Variants in CETN3 observed in about 807,000 individuals in gnomAD.
CETN3 encodes centrin 3, also known as centrin-3.
Under a neutral mutation model 20.1 loss-of-function variants are expected in CETN3, and 17 were observed. The ratio of observed to expected loss-of-function variants is 0.85; its 90% CI spans 0.58 to 1.27. The LOEUF (loss-of-function observed/expected upper bound fraction) is 1.27, where lower values mean the gene tolerates loss of function less well. Among genes scored for constraint, CETN3 ranks in the 50% most tolerant of loss-of-function variants. CETN3 has a pLI of 0.00. For synonymous variants in CETN3, 52 were observed against 59.7 expected, an observed-to-expected ratio of 0.87 and a Z score of 0.59; for missense variants, 169 against 191.2, an observed-to-expected ratio of 0.88 and a Z score of 0.69.
At chr5:90,396,745 T>C (rs905984615) in intron 4 of CETN3, among the ~76,000 whole-genome samples, 3 of 152,152 alleles carry the variant, frequency 2.0e-5, no homozygotes, top group Admixed American at 6.5e-5. Flanking sequence ...TTAAGTTTCA[T>C]ATATAAGTTT....
rs1447853408 is a variant in CETN3, at chr5:90,393,040, C to A, written c.*1024G>T. On this transcript the variant is annotated 3_prime_UTR_variant, in exon 5 of 5. Coordinates refer to ENST00000283122, the MANE Select transcript of CETN3 (RefSeq NM_004365.4). ...CTGGGAGAGCCCATAACACCGAGTA[C>A]TAGATATGAGTGAAGGATCCATATA... 1 of 152,146 alleles carries A rather than the reference C, an allele frequency of 6.6e-6. No individual in the cohort carries two copies. Among genetic ancestry groups the A allele is most frequent in the African/African-American group, 2.4e-5 (1 of 41,444 alleles). The allele number at this position is 152,146 out of a possible 1,614,324, so 9.4% of individuals were successfully genotyped here.
rs766267252 is a variant in CETN3, at chr5:90,394,014, GAATAT to G, written c.*45_*49del. The G allele has an allele frequency of 1.6e-6, 2 of 1,284,984 alleles. No homozygotes were observed. The highest frequency in any genetic ancestry group is 2.2e-6 in the Non-Finnish European group (2 of 901,706). 79.6% of individuals were successfully genotyped at this position (1,284,984 alleles called of 1,614,324 possible). A position where few individuals can be genotyped will look rare whatever the true frequency, so the allele number is the denominator to read the frequency against. On this transcript the variant is annotated 3_prime_UTR_variant, in exon 5 of 5. Coordinates refer to ENST00000283122, the MANE Select transcript of CETN3 (RefSeq NM_004365.4). ...TCACATGGCTCCAGGCACAAAAATA[GAATAT>G]AAGATGGTAACTGCAACATTCTTAG...
chr5:90,393,645 G>T lies in CETN3; in HGVS notation c.*419C>A, dbSNP rs1749068174. 1 of 151,996 alleles carries T rather than the reference G, an allele frequency of 6.6e-6. No individual in the cohort carries two copies. Among genetic ancestry groups the T allele is most frequent in the African/African-American group, 2.4e-5 (1 of 41,336 alleles). 9.4% of individuals were successfully genotyped at this position (151,996 alleles called of 1,614,324 possible). ...TTCAGAAACTAGTAAAATTATAAAG[G>T]GAAGATTTAAGAAATCCACTCTTGA... On this transcript the variant is annotated 3_prime_UTR_variant, in exon 5 of 5. Transcript: ENST00000283122.
intron 2 of CETN3, 86 bp from the exon 3 acceptor site, chr5:90,405,885 G>T: frequency 1.3e-6 from 1 of 774,328 alleles, no homozygotes; most frequent in South Asian, 1.6e-5. Flanking sequence ...CTTAAGAGAT[G>T]ACAACACATT....
intron 3 of CETN3, among the ~76,000 whole-genome samples, chr5:90,403,687 C>T (rs995714737): frequency 1.3e-5 from 2 of 150,776 alleles, no homozygotes; most frequent in African/African-American, 4.9e-5. Flanking sequence ...CCGGCTAAAA[C>T]GGTGAAACCC....
At position 90,392,944 on chromosome 5, in the gene CETN3, A is replaced by G. The variant is rs373765160; in HGVS notation, c.*1120T>C. 10 of 152,342 alleles carry G rather than the reference A, an allele frequency of 6.6e-5. No individual in the cohort carries two copies. The South Asian group carries it at 1.9e-3, about 28-fold the overall frequency. The allele number at this position is 152,342 out of a possible 1,614,324, so 9.4% of individuals were successfully genotyped here. ...TTTAAAGCGCCTCAAATGATACTACACTTTAAACTTAAAAATTTAAAACAA... is the reference window on the plus strand; with the variant it reads ...TTTAAAGCGCCTCAAATGATACTACGCTTTAAACTTAAAAATTTAAAACAA... On this transcript the variant is annotated 3_prime_UTR_variant, in exon 5 of 5. Transcript: ENST00000283122.
intron 3 of CETN3, among the ~76,000 whole-genome samples, chr5:90,402,742 T>C (rs1749330439): frequency 6.6e-6 from 1 of 152,234 alleles, no homozygotes; most frequent in African/African-American, 2.4e-5. Flanking sequence ...AAGCAGCAGC[T>C]GAATTTGGTC....
chr5:90,393,828 A>AT lies in CETN3; in HGVS notation c.*235dup. On this transcript the variant is annotated 3_prime_UTR_variant, in exon 5 of 5. Transcript: ENST00000283122. ...TCAAAGAACACATATCACACATTCAATTTTTAAAACTTTATATAAAAGCTC... is the reference window on the plus strand; with the variant it reads ...TCAAAGAACACATATCACACATTCAATTTTTTAAAACTTTATATAAAAGCTC... 1 of 313,206 alleles carries AT rather than the reference A, an allele frequency of 3.2e-6. No individual in the cohort carries two copies. Among genetic ancestry groups the AT allele is most frequent in the Middle Eastern group, 8.5e-4 (1 of 1,174 alleles). The allele number at this position is 313,206 out of a possible 1,614,324, so 19.4% of individuals were successfully genotyped here.
intron 4 of CETN3, chr5:90,395,800 C>G: frequency 1.3e-6 from 1 of 798,240 alleles, no homozygotes; most frequent in Non-Finnish European, 1.5e-6. Flanking sequence ...TGAGAATATT[C>G]ATAATGAACA....
intron 1 of CETN3, among the ~76,000 whole-genome samples, chr5:90,408,800 CAAAA>C (rs74585512): frequency 1.0e-5 from 1 of 96,252 alleles, no homozygotes; most frequent in African/African-American, 3.9e-5. Context: ...CTGAAAGCTC[CAAAA>C]AAAAAAAAAA....
At chr5:90,407,627 T>C in intron 2 of CETN3, 72 bp downstream of exon 2, 1 of 1,049,010 alleles carries the variant, frequency 9.5e-7, no homozygotes, top group Non-Finnish European at 1.3e-6. Flanking sequence ...TATTTAGAAA[T>C]GTAATGTAAA....
chr5:90,401,149 TTTAA>T (rs1342056307), intron 3 of CETN3, among the ~76,000 whole-genome samples: 1 of 152,180 alleles, frequency 6.6e-6, no homozygotes, highest in African/African-American at 2.4e-5. Flanking sequence ...CCACTGGTAC[TTTAA>T]TTGTGTTAGT....
At chr5:90,401,303 A>C (rs181881327) in intron 3 of CETN3, among the ~76,000 whole-genome samples, 2 of 152,176 alleles carry the variant, frequency 1.3e-5, no homozygotes, top group South Asian at 4.1e-4. Context: ...ACTCTCCTCC[A>C]TGCCTTCAGG....
At chr5:90,396,117 G>A in intron 4 of CETN3, 1 of 974,596 alleles carries the variant, frequency 1.0e-6, no homozygotes. Flanking sequence ...TACAGAATTT[G>A]GAAAGGAAGT....
At chr5:90,405,272 CT>C in intron 3 of CETN3, 1 of 180,828 alleles carries the variant, frequency 5.5e-6, no homozygotes, top group East Asian at 1.5e-4. Context: ...TCTTCTCCCA[CT>C]TAGCCAACAA....
At chr5:90,405,452 T>C in intron 3 of CETN3, 3 of 495,490 alleles carry the variant, frequency 6.1e-6, no homozygotes, top group Non-Finnish European at 1.0e-5. Context: ...ACACAATAGT[T>C]CCTTGGTTAG....
intron 3 of CETN3, among the ~76,000 whole-genome samples, chr5:90,402,122 G>T (rs1212844225): frequency 6.6e-6 from 1 of 152,110 alleles, no homozygotes; most frequent in Non-Finnish European, 1.5e-5. Context: ...AAAGTGCTGG[G>T]ATTACAGGCA....
At chr5:90,399,093 A>T in intron 4 of CETN3, 1 of 573,108 alleles carries the variant, frequency 1.7e-6, no homozygotes, top group Non-Finnish European at 3.1e-6. Flanking sequence ...TTGAGGGAGA[A>T]GCCATTAAAG....
At chr5:90,407,626 A>G in intron 2 of CETN3, 73 bp downstream of exon 2, 1 of 1,046,732 alleles carries the variant, frequency 9.6e-7, no homozygotes. Context: ...TTATTTAGAA[A>G]TGTAATGTAA....
Sources: gnomAD v4.1 joint callset for allele counts (sites outside exome capture counted in the v4.1 genomes callset) on GRCh38, gnomAD v4.1.1 for gene constraint, MANE v1.5 for transcripts, NCBI Gene and HGNC (gene_info 2026-07-23, HGNC 2026-07-21) for gene names.